RABGAP1L: variants seen among roughly 807,000 people sequenced by gnomAD.
The protein encoded by RABGAP1L is RAB GTPase activating protein 1 like.
A neutral mutation model predicts 137.7 loss-of-function variants in RABGAP1L; 63 were observed. That is an observed-to-expected ratio of 0.46 (90% CI 0.37 to 0.56). RABGAP1L has a LOEUF of 0.56. RABGAP1L is among the 20% of genes least tolerant of loss of function. The pLI is 0.00. For missense variants in RABGAP1L, 1,095 were observed against 1,244.0 expected (o/e 0.88, Z 1.80); for synonymous variants, 431 against 433.7 (o/e 0.99, Z 0.08).
At chr1:174,877,783 G>A (rs1464798400) in intron 19 of RABGAP1L, among the ~76,000 whole-genome samples, 1 of 152,154 alleles carries the variant, frequency 6.6e-6, no homozygotes, top group Non-Finnish European at 1.5e-5. Context: ...AAAATGTTAG[G>A]CTGATGCTTT....
intron 5 of RABGAP1L, among the ~76,000 whole-genome samples, chr1:174,249,723 A>C (rs953739053): frequency 6.6e-6 from 1 of 150,736 alleles, no homozygotes; most frequent in South Asian, 2.1e-4. Context: ...GCTCACTGCA[A>C]CCTCCACCTG....
intron 13 of RABGAP1L, among the ~76,000 whole-genome samples, chr1:174,433,516 A>G (rs1020333343): frequency 1.3e-5 from 2 of 152,160 alleles, no homozygotes; most frequent in Non-Finnish European, 2.9e-5. Context: ...GTTTTTGCTT[A>G]CTTGGCCCAT....
intron 19 of RABGAP1L, among the ~76,000 whole-genome samples, chr1:174,816,920 A>G (rs1027087355): frequency 6.6e-6 from 1 of 152,038 alleles, no homozygotes; most frequent in African/African-American, 2.4e-5. Context: ...TAGTAGATTC[A>G]GGGTTTCACC....
intron 14 of RABGAP1L, among the ~76,000 whole-genome samples, chr1:174,638,415 G>A (rs1176621985): frequency 6.6e-6 from 1 of 152,022 alleles, no homozygotes; most frequent in Non-Finnish European, 1.5e-5. Context: ...TGGAGAAATA[G>A]GAACACTTTT....
intron 1 of RABGAP1L, among the ~76,000 whole-genome samples, chr1:174,208,431 A>G (rs564298329): frequency 2.6e-5 from 4 of 152,042 alleles, no homozygotes; most frequent in Admixed American, 6.6e-5. Context: ...TGTTTTGTAA[A>G]TTTATTTATT....
At chr1:174,393,936 C>A in intron 12 of RABGAP1L, 59 bp from the exon 13 acceptor site, 1 of 1,561,138 alleles carries the variant, frequency 6.4e-7, no homozygotes, top group South Asian at 1.2e-5. Context: ...CTTTTCATGG[C>A]AACAGCAGTT....
At chr1:174,304,172 T>A (rs1350680890) in intron 10 of RABGAP1L, among the ~76,000 whole-genome samples, 1 of 152,198 alleles carries the variant, frequency 6.6e-6, no homozygotes, top group Non-Finnish European at 1.5e-5. Flanking sequence ...ATGACATTAA[T>A]TGATATGAAC....
intron 13 of RABGAP1L, among the ~76,000 whole-genome samples, chr1:174,526,606 T>A (rs2147867725): frequency 6.6e-6 from 1 of 152,260 alleles, no homozygotes; most frequent in East Asian, 1.9e-4. Flanking sequence ...TCTTAAGTTT[T>A]CCAGTTTGTT....
intron 1 of RABGAP1L, among the ~76,000 whole-genome samples, chr1:174,176,484 C>T (rs900182098): frequency 5.3e-5 from 8 of 149,766 alleles, no homozygotes; most frequent in Non-Finnish European, 8.9e-5. Context: ...CCGAGGCGGG[C>T]GGATCGCTGG....
intron 14 of RABGAP1L, among the ~76,000 whole-genome samples, chr1:174,653,069 G>C (rs1200882150): frequency 1.3e-5 from 2 of 152,140 alleles, no homozygotes; most frequent in Non-Finnish European, 2.9e-5. Flanking sequence ...TGCCCAGTTC[G>C]AACTTCCCAG....
At chr1:174,441,942 A>G (rs1343142847) in intron 13 of RABGAP1L, among the ~76,000 whole-genome samples, 1 of 151,888 alleles carries the variant, frequency 6.6e-6, no homozygotes, top group African/African-American at 2.4e-5. Context: ...CTTTAGAAGC[A>G]TGTGCAATTA....
intron 19 of RABGAP1L, among the ~76,000 whole-genome samples, chr1:174,920,538 A>T (rs1661621694): frequency 1.3e-5 from 2 of 152,230 alleles, no homozygotes; most frequent in Admixed American, 1.3e-4. Context: ...AACCATATCA[A>T]CTACTGTTAC....
At chr1:174,829,046 G>T (rs1691851459) in intron 19 of RABGAP1L, among the ~76,000 whole-genome samples, 1 of 147,746 alleles carries the variant, frequency 6.8e-6, no homozygotes, top group South Asian at 2.2e-4. Context: ...CATAATTAGT[G>T]TACAACCAAG....
At chr1:174,757,869 C>CA (rs1321625363) in intron 18 of RABGAP1L, among the ~76,000 whole-genome samples, 2 of 151,732 alleles carry the variant, frequency 1.3e-5, no homozygotes, top group African/African-American at 2.4e-5. Flanking sequence ...ACTAAAAATA[C>CA]AAAAAACGCC....
At chr1:174,520,026 C>G (rs1028974325) in intron 13 of RABGAP1L, among the ~76,000 whole-genome samples, 2 of 152,176 alleles carry the variant, frequency 1.3e-5, no homozygotes, top group African/African-American at 4.8e-5. Context: ...GGCCTGGCAC[C>G]AGCGAAGTAT....
intron 13 of RABGAP1L, among the ~76,000 whole-genome samples, chr1:174,600,525 T>C (rs1207759481): frequency 8.5e-5 from 13 of 152,110 alleles, no homozygotes; most frequent in African/African-American, 2.9e-4. Context: ...GTACAGGTAT[T>C]AGGTAAATAC....
Position 174,327,962 on chromosome 1 carries a change from T to TATATATATATAC in RABGAP1L, c.1465+22846_1465+22847insCATATATATATA, listed in dbSNP as rs1356009828. Among the ~76,000 whole-genome samples, 117 of 12,882 alleles carry TATATATATATAC rather than the reference T, an allele frequency of 9.1e-3. 7 individuals are homozygous for TATATATATATAC. Among genetic ancestry groups the TATATATATATAC allele is most frequent in the African/African-American group, 0.077 (110 of 1,436 alleles). The allele number at this position is 12,882 out of a possible 152,430, so 8.5% of individuals were successfully genotyped here. A position where few individuals can be genotyped will look rare whatever the true frequency, so the allele number is the denominator to read the frequency against. Reference sequence around the variant, plus strand: ...AAAGGATATAACAGTTGTAAATATATATATATATATATATATACACACACA... The same window carrying TATATATATATAC: ...AAAGGATATAACAGTTGTAAATATATATATATATATACATATATATATATATATACACACACA... On this transcript the variant is annotated intron_variant, in intron 11 of 25. Transcript: ENST00000681986.
intron 11 of RABGAP1L, among the ~76,000 whole-genome samples, chr1:174,306,286 T>G (rs554199326): frequency 0.013 from 2,041 of 152,222 alleles, 35 homozygotes; most frequent in African/African-American, 0.039. Context: ...ACCCAGTAAT[T>G]GGATGGCTGG....
intron 17 of RABGAP1L, among the ~76,000 whole-genome samples, chr1:174,737,854 CAA>C (rs1491090243): frequency 4.6e-5 from 7 of 151,990 alleles, no homozygotes; most frequent in Non-Finnish European, 7.4e-5. Flanking sequence ...AGAGCGGGAC[CAA>C]GAGAGAGATG....
Sources: allele counts gnomAD v4.1 joint callset (sites outside exome capture counted in the v4.1 genomes callset), GRCh38; gene constraint gnomAD v4.1.1; transcripts MANE v1.5; gene names NCBI Gene and HGNC (gene_info 2026-07-23, HGNC 2026-07-21).